Variants in ANO5 observed in about 807,000 individuals in gnomAD.
ANO5 encodes anoctamin-5.
Under a neutral mutation model 121.0 loss-of-function variants are expected in ANO5, and 109 were observed. The ratio of observed to expected loss-of-function variants is 0.90; its 90% CI spans 0.77 to 1.06. ANO5 has a LOEUF of 1.06. Among genes scored for constraint, ANO5 ranks in the 50% least tolerant of loss-of-function variants. The probability of loss-of-function intolerance (pLI) is 0.00; values close to 1 mark genes in which losing one functional copy is unlikely to be tolerated. For missense variants in ANO5, 1,064 were observed against 1,078.5 expected (o/e 0.99, Z 0.19); for synonymous variants, 406 against 359.9 (o/e 1.13, Z -1.45).
At chr11:22,273,170 A>C (rs918306377) in intron 19 of ANO5, among the ~76,000 whole-genome samples, 181 bp downstream of exon 19, 2 of 152,174 alleles carry the variant, frequency 1.3e-5, no homozygotes, top group African/African-American at 4.8e-5. Context: ...ACTCTTAGAA[A>C]TACAAGGACA....
chr11:22,278,600 T>C (rs1854957825), intron 21 of ANO5, among the ~76,000 whole-genome samples: 1 of 150,082 alleles, frequency 6.7e-6, no homozygotes, highest in African/African-American at 2.5e-5. Context: ...TGTTTAAGAG[T>C]GTGGAAGTGA....
chr11:22,219,674 T>G (rs1353626259), intron 4 of ANO5, among the ~76,000 whole-genome samples: 1 of 152,024 alleles, frequency 6.6e-6, no homozygotes, highest in Non-Finnish European at 1.5e-5. Flanking sequence ...TGATGATTTA[T>G]AAGAGTGCCA....
intron 17 of ANO5, among the ~76,000 whole-genome samples, chr11:22,268,951 C>A (rs904728288): frequency 1.3e-5 from 2 of 152,076 alleles, no homozygotes; most frequent in South Asian, 4.2e-4. Context: ...CCGCAGTGAG[C>A]TGTGATCACA....
In ANO5 at chr11:22,266,988, T is replaced by G. The variant is rs547316168; in HGVS notation, c.1899-3324T>G. 5.3e-5 allele frequency among the ~76,000 whole-genome samples: 8 copies of G among 152,326 alleles called. No homozygotes were observed. In the South Asian group the frequency reaches 1.7e-3, roughly 32 times the overall value. ...TTTAGATGAACAAAATTACATAACT[T>G]TAATGTGGTAGAATTTATCAATCTT... On this transcript the variant is annotated intron_variant, in intron 17 of 21. Transcript: ENST00000324559.
chr11:22,271,657 T>A (rs1289445996), intron 18 of ANO5, among the ~76,000 whole-genome samples: 1 of 150,874 alleles, frequency 6.6e-6, no homozygotes, highest in Non-Finnish European at 1.5e-5. Flanking sequence ...TACCACTTAT[T>A]AAGACATAAT....
intron 9 of ANO5, among the ~76,000 whole-genome samples, chr11:22,240,237 T>C (rs1324542517): frequency 6.6e-6 from 1 of 152,012 alleles, no homozygotes; most frequent in Non-Finnish European, 1.5e-5. Context: ...ATCCTTTAGA[T>C]AGTTTCATTA....
At chr11:22,215,259 C>A (rs974677564) in intron 3 of ANO5, among the ~76,000 whole-genome samples, 1 of 151,856 alleles carries the variant, frequency 6.6e-6, no homozygotes, top group Admixed American at 6.6e-5. Flanking sequence ...ACTGATATGG[C>A]ACAGGCACAA....
chr11:22,250,490 G>A (rs1853774470), intron 10 of ANO5, 119 bp downstream of exon 10: 8 of 1,409,102 alleles, frequency 5.7e-6, no homozygotes, highest in South Asian at 3.8e-5. Context: ...GCAGATAATC[G>A]ATATTTTCCA....
At chr11:22,279,264 T>C (rs1854984521) in intron 21 of ANO5, among the ~76,000 whole-genome samples, 1 of 151,898 alleles carries the variant, frequency 6.6e-6, no homozygotes, top group African/African-American at 2.4e-5. Flanking sequence ...AATTCCTTTA[T>C]AAATATTTTA....
chr11:22,241,316 C>A (rs560764235), intron 9 of ANO5, among the ~76,000 whole-genome samples: 1 of 23,100 alleles, frequency 4.3e-5, no homozygotes, highest in South Asian at 1.3e-3. Context: ...CAGGTTGATA[C>A]CATGTCTTTG....
rs373042950 is a variant in ANO5, at chr11:22,264,513, C to A, written c.1898+1470C>A. 3.6e-4 allele frequency among the ~76,000 whole-genome samples: 54 copies of A among 147,978 alleles called. No homozygotes were observed. The East Asian group carries it at 8.3e-3, about 23-fold the overall frequency. On this transcript the variant is annotated intron_variant, in intron 17 of 21. Coordinates refer to ENST00000324559, the MANE Select transcript of ANO5 (RefSeq NM_213599.3). The stretch of plus-strand genomic sequence containing the variant: ...AGCAAATTAACAACAACAACAACAA[C>A]AAAAACCCTGAACCTTCCTAATAAC...
chr11:22,199,273 C>A (rs4627075), intron 1 of ANO5, among the ~76,000 whole-genome samples: 115,067 of 152,008 alleles, frequency 0.76, 43,863 homozygotes, highest in Non-Finnish European at 0.81. Flanking sequence ...CACCTGCTTA[C>A]CTCCTATATG....
In ANO5 at chr11:22,238,557, C is replaced by G. The variant is rs376700091; in HGVS notation, c.763-1012C>G. Among the ~76,000 whole-genome samples the G allele has an allele frequency of 4.5e-4, 69 of 151,910 alleles. No homozygotes were observed. In the South Asian group the frequency reaches 5.2e-3, roughly 11 times the overall value. Reference sequence around the variant, plus strand: ...TAGGCACTGGATTTTCCCTTATGTGCTTTACAGAATCATTTTTCAAAATAC... The same window carrying G: ...TAGGCACTGGATTTTCCCTTATGTGGTTTACAGAATCATTTTTCAAAATAC... On this transcript the variant is annotated intron_variant, in intron 8 of 21. Coordinates refer to ENST00000324559, the MANE Select transcript of ANO5 (RefSeq NM_213599.3).
In ANO5 at chr11:22,255,841, C is replaced by T. The variant is rs534357855; in HGVS notation, c.1332+319C>T. 9.2e-5 allele frequency among the ~76,000 whole-genome samples: 14 copies of T among 152,042 alleles called. No individual in the cohort carries two copies. In the East Asian group the frequency reaches 2.7e-3, roughly 29 times the overall value. ...TTCATACTCATACTCTTTTGTGTCA[C>T]TAAATTATTTGGAAACAAATCCAAG... is the stretch of plus-strand genomic sequence containing the variant. On this transcript the variant is annotated intron_variant, in intron 13 of 21. Transcript: ENST00000324559.
intron 17 of ANO5, 109 bp downstream of exon 17, chr11:22,263,152 T>A: frequency 2.2e-6 from 2 of 894,318 alleles, no homozygotes; most frequent in Non-Finnish European, 3.6e-6. Flanking sequence ...AGAAAATGTT[T>A]AAGCCAAAAG....
intron 13 of ANO5, among the ~76,000 whole-genome samples, chr11:22,257,313 A>G (rs1038795002): frequency 1.3e-5 from 2 of 152,218 alleles, no homozygotes; most frequent in Admixed American, 6.5e-5. Context: ...ATGTAATTCA[A>G]TTCAATTAGA....
Position 22,270,542 on chromosome 11 carries a change from T to C in ANO5, c.2029+100T>C, listed in dbSNP as rs1854571806. 4 of 1,546,888 alleles carry C rather than the reference T, an allele frequency of 2.6e-6. No individual in the cohort carries two copies. The South Asian group carries it at 4.5e-5, about 18-fold the overall frequency. ...TGCCTTGCACATGGTAGGTGTTCAATAAATCTTTGACTGGTTGGCAAAAAA... is the reference window on the plus strand; with the variant it reads ...TGCCTTGCACATGGTAGGTGTTCAACAAATCTTTGACTGGTTGGCAAAAAA... On this transcript the variant is annotated intron_variant, in intron 18 of 21. Coordinates refer to ENST00000324559, the MANE Select transcript of ANO5 (RefSeq NM_213599.3).
chr11:22,225,866 A>G (rs886135067), intron 5 of ANO5, 118 bp from the exon 6 acceptor site: 5 of 736,370 alleles, frequency 6.8e-6, no homozygotes, highest in African/African-American at 1.8e-5. Flanking sequence ...TTTATATACA[A>G]CCATGGGAGG....
At chr11:22,213,509 T>C (rs1359962653) in intron 3 of ANO5, among the ~76,000 whole-genome samples, 1 of 151,994 alleles carries the variant, frequency 6.6e-6, no homozygotes, top group Non-Finnish European at 1.5e-5. Context: ...GTCGTTATCT[T>C]CATGTCATAT....
Sources: gnomAD v4.1 joint callset for allele counts (sites outside exome capture counted in the v4.1 genomes callset) on GRCh38, gnomAD v4.1.1 for gene constraint, MANE v1.5 for transcripts, NCBI Gene and HGNC (gene_info 2026-07-23, HGNC 2026-07-21) for gene names.